Variants in GALNT13 observed in about 807,000 individuals in gnomAD.
GALNT13 encodes UDP-GalNAc:polypeptide N-acetylgalactosaminyltransferase 13.
GALNT13 carries 28 observed loss-of-function variants against 64.2 expected under a neutral mutation model. The observed-to-expected ratio is 0.44, with a 90% CI of 0.32 to 0.60. The LOEUF (loss-of-function observed/expected upper bound fraction) is 0.60, where lower values mean the gene tolerates loss of function less well. Ranked by LOEUF, GALNT13 falls within the 20% of genes least tolerant of loss-of-function variation. The probability of loss-of-function intolerance (pLI) is 0.05; values close to 1 mark genes in which losing one functional copy is unlikely to be tolerated. For missense variants in GALNT13, 577 were observed against 669.8 expected (o/e 0.86, Z 1.53); for synonymous variants, 214 against 224.6 (o/e 0.95, Z 0.42).
the GALNT13 span, among the ~76,000 whole-genome samples, chr2:153,482,760 G>A: frequency 4.7e-5 from 7 of 147,594 alleles, no homozygotes; most frequent in East Asian, 1.2e-3. Context: ...CGTAGCCAAC[G>A]CACCCAGCCT....
rs762453850 is a variant in GALNT13, at chr2:154,115,678, C to T, written c.143-24659C>T. Among the ~76,000 whole-genome samples, 86 of 152,124 alleles carry T rather than the reference C, an allele frequency of 5.7e-4. 2 individuals are homozygous for T. The highest frequency in any genetic ancestry group is 1.1e-3 in the Non-Finnish European group (76 of 68,018). On this transcript the variant is annotated intron_variant, in intron 3 of 12. Coordinates refer to ENST00000392825, the MANE Select transcript of GALNT13 (RefSeq NM_052917.4). ...TCAGGTGATCTGCCCGTCTCAGCCT[C>T]CCAAAGTGCTGGGATTACAGGTGTG...
intron 9 of GALNT13, among the ~76,000 whole-genome samples, chr2:154,382,513 A>G (rs990784459): frequency 2.4e-4 from 37 of 152,058 alleles, no homozygotes; most frequent in Non-Finnish European, 5.3e-4. Context: ...AGAAGAAGAT[A>G]AATACTGCAT....
the GALNT13 span, among the ~76,000 whole-genome samples, chr2:153,411,573 G>T: frequency 6.6e-6 from 1 of 152,188 alleles, no homozygotes; most frequent in Admixed American, 6.5e-5. Context: ...CTTCAGGTGG[G>T]TTGGAGTATA....
intron 10 of GALNT13, among the ~76,000 whole-genome samples, chr2:154,401,899 G>C (rs1220455257): frequency 6.6e-6 from 1 of 152,104 alleles, no homozygotes; most frequent in African/African-American, 2.4e-5. Flanking sequence ...AAGTCAACTT[G>C]AATTGTTTCA....
intron 3 of GALNT13, among the ~76,000 whole-genome samples, chr2:154,094,689 G>T (rs1437185728): frequency 6.6e-6 from 1 of 151,306 alleles, no homozygotes; most frequent in Non-Finnish European, 1.5e-5. Context: ...ATATTTAATT[G>T]GCAGACTACC....
At chr2:153,345,533 T>C in the GALNT13 span, among the ~76,000 whole-genome samples, 1 of 152,262 alleles carries the variant, frequency 6.6e-6, no homozygotes, top group South Asian at 2.1e-4. Flanking sequence ...ACTTCTGAGA[T>C]TCAGTAGGGG....
chr2:153,454,609 A>G, the GALNT13 span, among the ~76,000 whole-genome samples: 1 of 152,242 alleles, frequency 6.6e-6, no homozygotes, highest in African/African-American at 2.4e-5. Context: ...ATTACGTTAC[A>G]TTACACATTA....
At chr2:154,152,171 A>T (rs920444556) in intron 4 of GALNT13, among the ~76,000 whole-genome samples, 8 of 152,052 alleles carry the variant, frequency 5.3e-5, no homozygotes, top group Non-Finnish European at 1.0e-4. Flanking sequence ...AAAGTATTTT[A>T]TTTGTCCTTC....
intron 4 of GALNT13, among the ~76,000 whole-genome samples, chr2:154,230,624 A>G (rs1028071131): frequency 2.6e-5 from 4 of 152,140 alleles, no homozygotes; most frequent in Non-Finnish European, 4.4e-5. Flanking sequence ...AATAACTCCA[A>G]TGGTAATATA....
chr2:153,832,254 T>C, the GALNT13 span, among the ~76,000 whole-genome samples: 2 of 152,108 alleles, frequency 1.3e-5, no homozygotes, highest in African/African-American at 4.8e-5. Flanking sequence ...ACAGCAGACA[T>C]TGCTAAAAAT....
the GALNT13 span, among the ~76,000 whole-genome samples, chr2:153,094,539 T>C: frequency 6.6e-6 from 1 of 152,126 alleles, no homozygotes; most frequent in Admixed American, 6.6e-5. Flanking sequence ...AAAAACTACT[T>C]TAAAGTTCAT....
intron 11 of GALNT13, among the ~76,000 whole-genome samples, chr2:154,427,268 G>A (rs1201913732): frequency 3.9e-5 from 6 of 152,190 alleles, no homozygotes; most frequent in Non-Finnish European, 7.3e-5. Context: ...GCTTAGGTTT[G>A]TGTAATCTTC....
At chr2:153,679,064 G>A in the GALNT13 span, among the ~76,000 whole-genome samples, 2 of 151,936 alleles carry the variant, frequency 1.3e-5, no homozygotes, top group Non-Finnish European at 2.9e-5. Flanking sequence ...GATTGAGGTT[G>A]TGAGAGACAA....
chr2:153,464,158 A>C, the GALNT13 span, among the ~76,000 whole-genome samples: 6 of 152,048 alleles, frequency 3.9e-5, no homozygotes, highest in Non-Finnish European at 5.9e-5. Context: ...TTTAGTCAAA[A>C]TTGACTCAGA....
chr2:153,672,525 C>G, the GALNT13 span, among the ~76,000 whole-genome samples: 1 of 152,250 alleles, frequency 6.6e-6, no homozygotes, highest in Middle Eastern at 3.4e-3. Context: ...GCACAACATA[C>G]CAGAATCTCT....
chr2:153,171,385 G>A, the GALNT13 span, among the ~76,000 whole-genome samples: 4 of 152,104 alleles, frequency 2.6e-5, no homozygotes, highest in Non-Finnish European at 5.9e-5. Context: ...TACAGAGGAA[G>A]CACTATATTA....
chr2:154,450,661 T>G lies in GALNT13; in HGVS notation c.*110T>G. Reference sequence around the variant, plus strand: ...TTGAAAGTTTTAAAAATCCTTTTAGTATTCTAAAACACAATTGTTTCTAAT... The same window carrying G: ...TTGAAAGTTTTAAAAATCCTTTTAGGATTCTAAAACACAATTGTTTCTAAT... On this transcript the variant is annotated 3_prime_UTR_variant, in exon 13 of 13. Transcript: ENST00000392825. The G allele has an allele frequency of 2.9e-6, 3 of 1,020,658 alleles. No individual in the cohort carries two copies. The highest frequency in any genetic ancestry group is 4.1e-6 in the Non-Finnish European group (3 of 725,178). 63.2% of individuals were successfully genotyped at this position (1,020,658 alleles called of 1,614,324 possible). A position where few individuals can be genotyped will look rare whatever the true frequency, so the allele number is the denominator to read the frequency against.
At chr2:153,105,700 A>G in the GALNT13 span, among the ~76,000 whole-genome samples, 2 of 152,178 alleles carry the variant, frequency 1.3e-5, no homozygotes, top group Non-Finnish European at 2.9e-5. Flanking sequence ...ATGTACAAAA[A>G]TCACAAGCAT....
chr2:154,279,568 G>A (rs76242708), intron 8 of GALNT13, among the ~76,000 whole-genome samples: 6,170 of 152,124 alleles, frequency 0.041, 185 homozygotes, highest in Non-Finnish European at 0.058. Flanking sequence ...TGTTCTCTAT[G>A]GAGCAACTTT....
Sources: gnomAD v4.1 joint callset for allele counts (sites outside exome capture counted in the v4.1 genomes callset) on GRCh38, gnomAD v4.1.1 for gene constraint, MANE v1.5 for transcripts, NCBI Gene and HGNC (gene_info 2026-07-23, HGNC 2026-07-21) for gene names.